Variants in ROR2 observed in about 807,000 individuals in gnomAD.
ROR2 encodes tyrosine-protein kinase transmembrane receptor ROR2.
Under a neutral mutation model 74.9 loss-of-function variants are expected in ROR2, and 33 were observed. The ratio of observed to expected loss-of-function variants is 0.44; its 90% CI spans 0.33 to 0.59. The LOEUF is 0.59. ROR2 is among the 20% of genes least tolerant of loss of function. The pLI, the probability that ROR2 is intolerant of heterozygous loss-of-function variation, is 0.02. For synonymous variants in ROR2, 586 were observed against 558.7 expected (o/e 1.05, Z -0.69); for missense variants, 1,216 against 1,313.8 (o/e 0.93, Z 1.15).
intron 1 of ROR2, among the ~76,000 whole-genome samples, chr9:91,921,462 G>A (rs913047487): frequency 6.6e-6 from 1 of 152,232 alleles, no homozygotes; most frequent in African/African-American, 2.4e-5. Flanking sequence ...TGGCAAAAGA[G>A]GACACTTTTC....
chr9:91,887,123 G>C (rs1472840730), intron 1 of ROR2: 1 of 152,172 alleles, frequency 6.6e-6, no homozygotes, highest in Non-Finnish European at 1.5e-5. Flanking sequence ...CCTAGGCAAA[G>C]GGTACATTCG....
rs1274969102 is a variant in ROR2 at position 91,733,084 on chromosome 9, G to A, written c.937+38C>T. The A allele has an allele frequency of 9.7e-6, 15 of 1,541,628 alleles. No homozygotes were observed. In the Admixed American group the frequency reaches 1.7e-4, roughly 18 times the overall value. On this transcript the variant is annotated intron_variant, in intron 6 of 8. Coordinates refer to ENST00000375708, the MANE Select transcript of ROR2 (RefSeq NM_004560.4). This position sits in a 1 kb window ranked among gnomAD's most constrained non-coding sequence, Gnocchi z 5.7. ...ACATTTCAAGGGCCCTACACTCCCTGCGCCCCCCGGTCCCGCCCCGGGCCC... is the reference window on the plus strand; with the variant it reads ...ACATTTCAAGGGCCCTACACTCCCTACGCCCCCCGGTCCCGCCCCGGGCCC...
chr9:91,817,233 C>G (rs575030933), intron 1 of ROR2, among the ~76,000 whole-genome samples: 1 of 152,196 alleles, frequency 6.6e-6, no homozygotes, highest in Non-Finnish European at 1.5e-5. Flanking sequence ...GAAGGAAGGC[C>G]GGGACCCAGC....
At chr9:91,846,980 G>A (rs200164735) in intron 1 of ROR2, among the ~76,000 whole-genome samples, 12 of 152,262 alleles carry the variant, frequency 7.9e-5, no homozygotes, top group Middle Eastern at 6.8e-3. Flanking sequence ...ACAGGGTACC[G>A]CATGGATTCA....
chr9:91,864,178 G>A (rs1195747128), intron 1 of ROR2, among the ~76,000 whole-genome samples: 1 of 152,116 alleles, frequency 6.6e-6, no homozygotes, highest in South Asian at 2.1e-4. Flanking sequence ...TGTGTTCCCC[G>A]AATTCAAATT....
rs533857543 is a variant in ROR2, at chr9:91,908,684, T to G, written c.97+41183A>C. Among the ~76,000 whole-genome samples the G allele has an allele frequency of 4.6e-5, 7 of 152,282 alleles. No homozygotes were observed. The East Asian group carries it at 1.2e-3, about 25-fold the overall frequency. ...CATCCCTCTACTGGTAATTCAAAAT[T>G]GATACTAATAACAAATAAAATTAAT... On this transcript the variant is annotated intron_variant, in intron 1 of 8. Transcript: ENST00000375708.
At chr9:91,829,507 G>A (rs7045333) in intron 1 of ROR2, among the ~76,000 whole-genome samples, 53,803 of 140,728 alleles carry the variant, frequency 0.38, 11,011 homozygotes, top group African/African-American at 0.55. Flanking sequence ...CCAAAATCAC[G>A]CCATTGCACT....
chr9:91,887,777 A>G (rs977412954), intron 1 of ROR2, among the ~76,000 whole-genome samples: 1 of 128,840 alleles, frequency 7.8e-6, no homozygotes, highest in African/African-American at 3.2e-5. Flanking sequence ...TCTCCATAAC[A>G]CTTTTTTTCT....
intron 1 of ROR2, among the ~76,000 whole-genome samples, chr9:91,888,735 C>G (rs1398334179): frequency 6.6e-6 from 1 of 152,126 alleles, no homozygotes; most frequent in African/African-American, 2.4e-5. Flanking sequence ...GGCAACTGGA[C>G]AAAACGAGCA....
In ROR2 at chr9:91,838,690, G is replaced by A. The variant is rs114145546; in HGVS notation, c.98-62872C>T. ...AGAGACCCCGAGCACCACGGCCGGC[G>A]CAGGAGACCCCGCTGCAGTCGGAAA... On this transcript the variant is annotated intron_variant, in intron 1 of 8. Transcript: ENST00000375708. Among the ~76,000 whole-genome samples, 1,429 of 150,538 alleles carry A rather than the reference G, an allele frequency of 9.5e-3. 22 individuals carry two copies. The highest frequency in any genetic ancestry group is 0.033 in the African/African-American group (1,347 of 41,146).
At chr9:91,810,761 C>T (rs1314179616) in intron 1 of ROR2, among the ~76,000 whole-genome samples, 4 of 152,214 alleles carry the variant, frequency 2.6e-5, no homozygotes, top group Admixed American at 6.5e-5. Flanking sequence ...ACAGGAGGGA[C>T]GACGCTGGCC....
chr9:91,826,248 G>A (rs1456443116), intron 1 of ROR2, among the ~76,000 whole-genome samples: 1 of 152,144 alleles, frequency 6.6e-6, no homozygotes, highest in Non-Finnish European at 1.5e-5. Context: ...AGAACATGGT[G>A]CGGCATAGTG....
At chr9:91,912,184 C>A (rs1050816507) in intron 1 of ROR2, among the ~76,000 whole-genome samples, 1 of 152,148 alleles carries the variant, frequency 6.6e-6, no homozygotes, top group Non-Finnish European at 1.5e-5. Flanking sequence ...TTAATAGTAT[C>A]ACTAGTATAC....
At chr9:91,805,975 A>C (rs1827533513) in intron 1 of ROR2, among the ~76,000 whole-genome samples, 1 of 152,204 alleles carries the variant, frequency 6.6e-6, no homozygotes, top group African/African-American at 2.4e-5. Context: ...GTTGAGGGGC[A>C]CTTGAGGATT....
At chr9:91,929,033 C>G (rs10118781) in intron 1 of ROR2, among the ~76,000 whole-genome samples, 21,483 of 152,202 alleles carry the variant, frequency 0.14, 3,333 homozygotes, top group African/African-American at 0.39. Context: ...TTCATGCTGT[C>G]GAGCAAGGAA....
At chr9:91,800,887 A>G (rs547734463) in intron 1 of ROR2, among the ~76,000 whole-genome samples, 2 of 152,352 alleles carry the variant, frequency 1.3e-5, no homozygotes, top group South Asian at 4.1e-4. Flanking sequence ...TTACCAAAAC[A>G]GATGCCAAGT....
chr9:91,808,459 G>A (rs1482078437), intron 1 of ROR2, among the ~76,000 whole-genome samples: 5 of 149,206 alleles, frequency 3.4e-5, no homozygotes, highest in East Asian at 2.0e-4. Flanking sequence ...GTGAAAGCCC[G>A]TCTGTACTAA....
chr9:91,789,899 A>G (rs938523815), intron 1 of ROR2, among the ~76,000 whole-genome samples: 3 of 151,996 alleles, frequency 2.0e-5, no homozygotes, highest in African/African-American at 4.8e-5. Flanking sequence ...GAATGGATTT[A>G]AAAAAAACAC....
intron 2 of ROR2, among the ~76,000 whole-genome samples, chr9:91,770,601 T>C (rs752099947): frequency 1.5e-4 from 23 of 152,224 alleles, no homozygotes; most frequent in Non-Finnish European, 3.2e-4. Flanking sequence ...ACATTCATCA[T>C]GCCCAGTCTG....
Sources: allele counts gnomAD v4.1 joint callset (sites outside exome capture counted in the v4.1 genomes callset), GRCh38; gene constraint gnomAD v4.1.1; non-coding constraint Gnocchi (gnomAD v3.1); transcripts MANE v1.5; gene names NCBI Gene and HGNC (gene_info 2026-07-23, HGNC 2026-07-21).